SSBP2: variants seen among roughly 807,000 people sequenced by gnomAD.
SSBP2 encodes the protein single-stranded DNA-binding protein 2.
In SSBP2, 17 loss-of-function variants were observed where a neutral mutation model predicts 61.8. The ratio of observed to expected loss-of-function variants is 0.28; its 90% CI spans 0.19 to 0.41. The LOEUF (loss-of-function observed/expected upper bound fraction) is 0.41. Among genes scored for constraint, SSBP2 ranks in the 10% least tolerant of loss-of-function variants. The pLI, the probability that SSBP2 is intolerant of heterozygous loss-of-function variation, is 1.00. For missense variants in SSBP2, 310 were observed against 458.7 expected (o/e 0.68, Z 2.96); for synonymous variants, 139 against 141.3 (o/e 0.98, Z 0.12).
chr5:81,435,444 C>T (rs1402773538), intron 15 of SSBP2, among the ~76,000 whole-genome samples: 1 of 152,174 alleles, frequency 6.6e-6, no homozygotes, highest in Non-Finnish European at 1.5e-5. Flanking sequence ...CCAGCACACA[C>T]AAGTACACAC....
At chr5:81,478,485 C>T (rs1371353473) in intron 6 of SSBP2, among the ~76,000 whole-genome samples, 1 of 152,122 alleles carries the variant, frequency 6.6e-6, no homozygotes, top group East Asian at 1.9e-4. Context: ...GGATTATGGG[C>T]ACCCACCACC....
intron 13 of SSBP2, among the ~76,000 whole-genome samples, chr5:81,440,946 C>T (rs368507832): frequency 6.6e-6 from 1 of 152,130 alleles, no homozygotes; most frequent in South Asian, 2.1e-4. Context: ...AAGCATTTTC[C>T]TCTATGATAC....
intron 4 of SSBP2, among the ~76,000 whole-genome samples, chr5:81,599,792 G>T (rs1048726832): frequency 6.6e-6 from 1 of 152,158 alleles, no homozygotes; most frequent in South Asian, 2.1e-4. Flanking sequence ...GGGGAATGAG[G>T]CCTCAATTTT....
At chr5:81,553,250 G>C (rs1460870030) in intron 4 of SSBP2, among the ~76,000 whole-genome samples, 5 of 152,098 alleles carry the variant, frequency 3.3e-5, no homozygotes, top group Non-Finnish European at 7.4e-5. Context: ...CCTACTCTCT[G>C]TAACTACCTT....
chr5:81,586,257 A>G (rs11745832), intron 4 of SSBP2, among the ~76,000 whole-genome samples: 24,890 of 152,108 alleles, frequency 0.16, 2,236 homozygotes, highest in Non-Finnish European at 0.21. Context: ...TTTCATTCTC[A>G]CCAAAAGTGT....
Position 81,419,632 on chromosome 5 carries a change from C to A in SSBP2, c.*872G>T, listed in dbSNP as rs1248836468. 1.3e-5 allele frequency: 2 copies of A among 152,250 alleles called. No homozygotes were observed. The highest frequency in any genetic ancestry group is 2.1e-4 in the South Asian group (1 of 4,826). 9.4% of individuals were successfully genotyped at this position (152,250 alleles called of 1,614,324 possible). On this transcript the variant is annotated 3_prime_UTR_variant, in exon 17 of 17. Coordinates refer to ENST00000320672, the MANE Select transcript of SSBP2 (RefSeq NM_012446.5). ...AAAGATGTTGCTAAATATATGACAA[C>A]CCCGGTCACTTTATTGCTATGGTCT...
rs537416744 is a variant in SSBP2 at position 81,413,487 on chromosome 5, A to C, written c.*7017T>G. 1 of 152,356 alleles carries C rather than the reference A, an allele frequency of 6.6e-6. No individual in the cohort carries two copies. The highest frequency in any genetic ancestry group is 1.5e-5 in the Non-Finnish European group (1 of 68,016). 9.4% of individuals were successfully genotyped at this position (152,356 alleles called of 1,614,324 possible). On this transcript the variant is annotated 3_prime_UTR_variant, in exon 17 of 17. Transcript: ENST00000320672. ...ATTTTTCCAGGAAGATATTATAGGT[A>C]ACAATTTAACACATGTAGTAAGAAA...
At chr5:81,635,580 A>ATT (rs35464950) in intron 3 of SSBP2, among the ~76,000 whole-genome samples, 65 of 130,850 alleles carry the variant, frequency 5.0e-4, no homozygotes, top group South Asian at 9.8e-4. Flanking sequence ...GTAGAAAGCA[A>ATT]TTTTTTTTTT....
At chr5:81,520,565 G>T (rs1357389353) in intron 4 of SSBP2, among the ~76,000 whole-genome samples, 3 of 151,908 alleles carry the variant, frequency 2.0e-5, no homozygotes, top group South Asian at 2.1e-4. Flanking sequence ...TTTTTAATTT[G>T]TTTTTTCTAG....
intron 4 of SSBP2, among the ~76,000 whole-genome samples, chr5:81,591,438 A>G (rs1775492746): frequency 6.6e-6 from 1 of 152,180 alleles, no homozygotes; most frequent in African/African-American, 2.4e-5. Context: ...CTGTCAACAG[A>G]CAAACAAATA....
chr5:81,427,736 T>A (rs1273595886), intron 16 of SSBP2, among the ~76,000 whole-genome samples: 1 of 152,192 alleles, frequency 6.6e-6, no homozygotes, highest in African/African-American at 2.4e-5. Context: ...TGAAATCTTT[T>A]ATGCTACATT....
rs1353953921 is a variant in SSBP2, at chr5:81,686,951, A to G, written c.63-36612T>C. On this transcript the variant is annotated intron_variant, in intron 1 of 16. Transcript: ENST00000320672. ...AATGGGAAGTGGAGAAAGATGGCCAAATAGAAGCATCCACCCATTGTCCTC... is the reference window on the plus strand; with the variant it reads ...AATGGGAAGTGGAGAAAGATGGCCAGATAGAAGCATCCACCCATTGTCCTC... 2.0e-5 allele frequency among the ~76,000 whole-genome samples: 3 copies of G among 152,068 alleles called. No homozygotes were observed. The East Asian group carries it at 5.8e-4, about 29-fold the overall frequency.
At chr5:81,457,335 A>C (rs1764230845) in intron 10 of SSBP2, among the ~76,000 whole-genome samples, 2 of 152,240 alleles carry the variant, frequency 1.3e-5, no homozygotes, top group South Asian at 2.1e-4. Flanking sequence ...AAGAAAAAAC[A>C]ACTCTGTTAT....
At chr5:81,725,807 G>A (rs1329301775) in intron 1 of SSBP2, among the ~76,000 whole-genome samples, 1 of 152,090 alleles carries the variant, frequency 6.6e-6, no homozygotes, top group Admixed American at 6.6e-5. Context: ...GTGGGGAGGA[G>A]GCACTAGGGG....
intron 4 of SSBP2, among the ~76,000 whole-genome samples, chr5:81,546,664 T>A (rs941410682): frequency 3.3e-5 from 5 of 152,100 alleles, no homozygotes; most frequent in Non-Finnish European, 5.9e-5. Flanking sequence ...AAATACTAAT[T>A]TTCTTAGAAC....
At chr5:81,701,020 A>T (rs1753944973) in intron 1 of SSBP2, among the ~76,000 whole-genome samples, 1 of 152,096 alleles carries the variant, frequency 6.6e-6, no homozygotes, top group Non-Finnish European at 1.5e-5. Context: ...CTTTGCATTC[A>T]ACTTGGCTGT....
chr5:81,531,057 A>G (rs1770356189), intron 4 of SSBP2, among the ~76,000 whole-genome samples: 1 of 151,616 alleles, frequency 6.6e-6, no homozygotes, highest in African/African-American at 2.4e-5. Context: ...AAACCAAACC[A>G]AAACCAAAAC....
intron 5 of SSBP2, among the ~76,000 whole-genome samples, chr5:81,511,266 T>G (rs1229857201): frequency 6.6e-6 from 1 of 152,170 alleles, no homozygotes; most frequent in Non-Finnish European, 1.5e-5. Flanking sequence ...CCATTTTCTT[T>G]CTATGCTGTA....
intron 13 of SSBP2, among the ~76,000 whole-genome samples, chr5:81,440,881 TTTC>T (rs1252109079): frequency 6.6e-6 from 1 of 152,232 alleles, no homozygotes; most frequent in African/African-American, 2.4e-5. Context: ...TCTCCAAATT[TTTC>T]TTCTTCAGAT....
Sources: gnomAD v4.1 joint callset for allele counts (sites outside exome capture counted in the v4.1 genomes callset) on GRCh38, gnomAD v4.1.1 for gene constraint, MANE v1.5 for transcripts, NCBI Gene and HGNC (gene_info 2026-07-23, HGNC 2026-07-21) for gene names.